SLC16A7: variants seen among roughly 807,000 people sequenced by gnomAD.
SLC16A7 encodes the protein monocarboxylate transporter 2.
In SLC16A7, 33 loss-of-function variants were observed where a neutral mutation model predicts 34.9. That is an observed-to-expected ratio of 0.94 (90% CI 0.72 to 1.26). The LOEUF is 1.26. Among genes scored for constraint, SLC16A7 ranks in the 50% most tolerant of loss-of-function variants. The pLI is 0.00. For missense variants in SLC16A7, 573 were observed against 578.1 expected (o/e 0.99, Z 0.09); for synonymous variants, 201 against 206.6 (o/e 0.97, Z 0.23).
At chr12:59,681,247 G>A (rs1220384185) in intron 2 of SLC16A7, among the ~76,000 whole-genome samples, 2 of 152,166 alleles carry the variant, frequency 1.3e-5, no homozygotes, top group African/African-American at 2.4e-5. Context: ...TCCTGCAGGC[G>A]AGACAAGTGT....
chr12:59,603,557 C>T (rs1436307124), intron 1 of SLC16A7, among the ~76,000 whole-genome samples: 1 of 152,208 alleles, frequency 6.6e-6, no homozygotes, highest in African/African-American at 2.4e-5. Context: ...AAATTTTCCT[C>T]TGACACCTCT....
rs2137461086 is a variant in SLC16A7 at position 59,775,436 on chromosome 12, G to T, written c.1141G>T (p.Val381Leu). Reference protein sequence around the residue: ...FSSAVGLVTIVECGPVLLGPP... With the variant: ...FSSAVGLVTILECGPVLLGPP... ...CAGTGCCGTCGGACTTGTCACAATT[G>T]TGGAGTGTGGCCCAGTTCTTCTTGG... Residue 381 changes from valine to leucine, a missense_variant, in exon 5 of 6, where the codon GTG (valine) becomes TTG (leucine). Transcript: ENST00000547379. 1 of 1,614,030 alleles carries T rather than the reference G, an allele frequency of 6.2e-7. No individual in the cohort carries two copies. The highest frequency in any genetic ancestry group is 8.5e-7 in the Non-Finnish European group (1 of 1,179,942).
chr12:59,775,354 T>G lies in SLC16A7; in HGVS notation c.1059T>G (p.Ser353Arg). 1.2e-6 allele frequency: 2 copies of G among 1,614,034 alleles called. No individual in the cohort carries two copies. Among genetic ancestry groups the G allele is most frequent in the Non-Finnish European group, 1.7e-6 (2 of 1,179,972 alleles). ...YAVFFGLGFG[S>R]VSSVLFETLM... ...TATTTTTTGGCCTTGGATTTGGGAG[T>G]GTTAGCAGTGTTCTCTTTGAAACTC... is the stretch of plus-strand genomic sequence containing the variant. Residue 353 changes from serine (S) to arginine (R), a missense_variant, in exon 5 of 6, where the codon AGT becomes AGG. Ser to Arg is a moderately radical substitution (Grantham distance 110, BLOSUM62 -1). Transcript: ENST00000547379.
intron 1 of SLC16A7, among the ~76,000 whole-genome samples, chr12:59,645,046 G>T (rs1880848026): frequency 6.6e-6 from 1 of 152,060 alleles, no homozygotes. Context: ...TCCTTATCCT[G>T]TTAGTACTCT....
At chr12:59,743,186 C>T (rs1162482550) in intron 3 of SLC16A7, among the ~76,000 whole-genome samples, 2 of 152,008 alleles carry the variant, frequency 1.3e-5, no homozygotes, top group Non-Finnish European at 2.9e-5. Context: ...ATTTAGGATG[C>T]CGGCACTAAA....
In SLC16A7 at chr12:59,769,230, G is replaced by A. The variant is rs549894287; in HGVS notation, c.218-1989G>A. 23 of 152,204 alleles carry A rather than the reference G, an allele frequency of 1.5e-4. No individual in the cohort carries two copies. The East Asian group carries it at 2.1e-3, about 14-fold the overall frequency. The allele number at this position is 152,204 out of a possible 1,614,324, so 9.4% of individuals were successfully genotyped here. A position where few individuals can be genotyped will look rare whatever the true frequency, so the allele number is the denominator to read the frequency against. ...TTAATATAGTGTGTAAAGTGTAAAC[G>A]TAACTTTTATATGCACTGAGAAACC... On this transcript the variant is annotated intron_variant, in intron 3 of 5. Transcript: ENST00000547379.
chr12:59,656,670 T>A (rs1370258802), intron 2 of SLC16A7, among the ~76,000 whole-genome samples: 1 of 151,998 alleles, frequency 6.6e-6, no homozygotes. Context: ...CAAATACAGC[T>A]CAACACTGTG....
chr12:59,677,373 GCTAGTGGTATTTATAGC>G (rs1870396826), intron 2 of SLC16A7, among the ~76,000 whole-genome samples: 1 of 152,092 alleles, frequency 6.6e-6, no homozygotes, highest in South Asian at 2.1e-4. Flanking sequence ...TATTAACAAA[GCTAGTGGTATTTATAGC>G]TTACTCCAAA....
chr12:59,692,716 T>A (rs1871817986), intron 2 of SLC16A7, among the ~76,000 whole-genome samples: 1 of 152,058 alleles, frequency 6.6e-6, no homozygotes, highest in African/African-American at 2.4e-5. Flanking sequence ...CAAAGTCATT[T>A]AACCACCGCA....
intron 1 of SLC16A7, among the ~76,000 whole-genome samples, chr12:59,600,605 G>T (rs1366952493): frequency 6.6e-6 from 1 of 152,128 alleles, no homozygotes; most frequent in Non-Finnish European, 1.5e-5. Flanking sequence ...ATGGACCATT[G>T]TCGAGAGGAA....
At chr12:59,772,686 T>G (rs1882350726) in intron 4 of SLC16A7, among the ~76,000 whole-genome samples, 1 of 152,130 alleles carries the variant, frequency 6.6e-6, no homozygotes, top group Non-Finnish European at 1.5e-5. Context: ...CCTTATACTT[T>G]CGTTGTCTAT....
rs78897094 is a variant in SLC16A7, at chr12:59,706,019, G to A, written c.217+1001G>A. Among the ~76,000 whole-genome samples the A allele has an allele frequency of 2.1e-3, 324 of 152,178 alleles. 1 individual carries two copies. The highest frequency in any genetic ancestry group is 7.4e-3 in the African/African-American group (307 of 41,542). Reference sequence around the variant, plus strand: ...TATGACTTAATCCTCTTAATGATCCGTGAAATAAGTATTATCTTCTCTTTA... The same window carrying A: ...TATGACTTAATCCTCTTAATGATCCATGAAATAAGTATTATCTTCTCTTTA... On this transcript the variant is annotated intron_variant, in intron 3 of 5. Coordinates refer to ENST00000547379, the MANE Select transcript of SLC16A7 (RefSeq NM_001270623.2).
At chr12:59,751,672 G>C (rs909428698) in intron 3 of SLC16A7, among the ~76,000 whole-genome samples, 1 of 152,334 alleles carries the variant, frequency 6.6e-6, no homozygotes, top group Non-Finnish European at 1.5e-5. Flanking sequence ...ACCTCTGGGA[G>C]CAGGGCACAG....
intron 2 of SLC16A7, among the ~76,000 whole-genome samples, chr12:59,704,199 C>CAAAAAAAAA (rs34021022): frequency 5.8e-5 from 3 of 51,614 alleles, no homozygotes; most frequent in Non-Finnish European, 8.2e-5. Flanking sequence ...GACTCTGTCT[C>CAAAAAAAAA]AAAAAAAAAA....
chr12:59,609,393 G>A (rs973422140), intron 1 of SLC16A7, among the ~76,000 whole-genome samples: 2 of 152,142 alleles, frequency 1.3e-5, no homozygotes, highest in Non-Finnish European at 2.9e-5. Flanking sequence ...CTCAGGGAAG[G>A]GACCTGCAGT....
chr12:59,684,872 T>C (rs1210194468), intron 2 of SLC16A7, among the ~76,000 whole-genome samples: 1 of 152,138 alleles, frequency 6.6e-6, no homozygotes, highest in African/African-American at 2.4e-5. Context: ...CCTACAGGTC[T>C]TTAGGGGGAG....
chr12:59,741,140 G>C (rs541762865), intron 3 of SLC16A7, among the ~76,000 whole-genome samples: 70 of 152,162 alleles, frequency 4.6e-4, no homozygotes, highest in African/African-American at 1.7e-3. Context: ...TACTGCCCAA[G>C]GTAATTTATA....
At chr12:59,626,518 C>T (rs548684384) in intron 1 of SLC16A7, among the ~76,000 whole-genome samples, 12 of 151,644 alleles carry the variant, frequency 7.9e-5, no homozygotes, top group Non-Finnish European at 1.6e-4. Context: ...TACAACTGAG[C>T]CTCAGGCACT....
intron 3 of SLC16A7, among the ~76,000 whole-genome samples, chr12:59,739,852 T>G (rs945880786): frequency 4.1e-4 from 62 of 151,490 alleles, no homozygotes; most frequent in African/African-American, 9.7e-4. Context: ...CTTTTGAGAA[T>G]TGTCTGTTCA....
Sources: gnomAD v4.1 joint callset for allele counts (sites outside exome capture counted in the v4.1 genomes callset) on GRCh38, gnomAD v4.1.1 for gene constraint, MANE v1.5 for transcripts, NCBI Gene and HGNC (gene_info 2026-07-23, HGNC 2026-07-21) for gene names.